Variants in RERG observed in about 807,000 individuals in gnomAD.
The protein encoded by RERG is ras-related and estrogen-regulated growth inhibitor.
Under a neutral mutation model 23.2 loss-of-function variants are expected in RERG, and 25 were observed. That is an observed-to-expected ratio of 1.08 (90% confidence interval 0.79 to 1.50). The LOEUF (loss-of-function observed/expected upper bound fraction) is 1.50, where lower values mean the gene tolerates loss of function less well. Ranked by LOEUF, RERG falls within the 40% of genes most tolerant of loss-of-function variation. The probability of loss-of-function intolerance (pLI) is 0.00; values close to 1 mark genes in which losing one functional copy is unlikely to be tolerated. For synonymous variants in RERG, 81 were observed against 89.1 expected (o/e 0.91, Z 0.51); for missense variants, 253 against 250.1 (o/e 1.01, Z -0.08).
chr12:15,164,801 G>T (rs183623134), intron 2 of RERG, among the ~76,000 whole-genome samples: 14 of 152,276 alleles, frequency 9.2e-5, no homozygotes, highest in Admixed American at 7.2e-4. Flanking sequence ...AATAGTCAAA[G>T]GTGTATGAGA....
chr12:15,171,054 A>G (rs1163236266), intron 2 of RERG, among the ~76,000 whole-genome samples: 3 of 152,228 alleles, frequency 2.0e-5, no homozygotes, highest in Admixed American at 1.3e-4. Flanking sequence ...AGTAACATGA[A>G]TGAAAATTTT....
intron 2 of RERG, among the ~76,000 whole-genome samples, chr12:15,169,184 A>G (rs1300756989): frequency 6.6e-6 from 1 of 152,230 alleles, no homozygotes; most frequent in East Asian, 1.9e-4. Context: ...GAGCCAACCT[A>G]TAAAAACAGA....
At chr12:15,124,973 TTAATATA>T (rs1863910591) in intron 2 of RERG, among the ~76,000 whole-genome samples, 2 of 151,934 alleles carry the variant, frequency 1.3e-5, no homozygotes, top group African/African-American at 4.8e-5. Context: ...CCCTTGATAT[TTAATATA>T]TACTCTACAA....
intron 2 of RERG, among the ~76,000 whole-genome samples, chr12:15,134,853 T>C (rs34828371): frequency 0.016 from 2,386 of 152,226 alleles, 28 homozygotes; most frequent in Non-Finnish European, 0.023. Context: ...TCAAGTGATC[T>C]GCCCACCTCA....
intron 2 of RERG, among the ~76,000 whole-genome samples, chr12:15,188,480 CA>C (rs1166227654): frequency 6.6e-6 from 1 of 152,106 alleles, no homozygotes. Flanking sequence ...GAGGCAGCAT[CA>C]AGTACATCAA....
At chr12:15,205,715 TC>T (rs1565537522) in intron 2 of RERG, among the ~76,000 whole-genome samples, 1 of 152,078 alleles carries the variant, frequency 6.6e-6, no homozygotes, top group East Asian at 1.9e-4. Context: ...TAAATTACTG[TC>T]CAATGGCACA....
chr12:15,140,309 G>A (rs938085570), intron 2 of RERG, among the ~76,000 whole-genome samples: 3 of 152,088 alleles, frequency 2.0e-5, no homozygotes, highest in African/African-American at 7.2e-5. Context: ...AAACCAGGAA[G>A]AGGGCCCTCA....
rs1156302513 is a variant in RERG at position 15,148,887 on chromosome 12, T to TTTTTTTTTTG, written c.62-27769_62-27768insCAAAAAAAAA. ...TTTTTTTTTTTTTTTTTTTTTTTTT[T>TTTTTTTTTTG]AGACAGAGTCTAGCTCTGTCACCCA... On this transcript the variant is annotated intron_variant, in intron 2 of 4. Coordinates refer to ENST00000256953, the MANE Select transcript of RERG (RefSeq NM_032918.3). 9.4e-4 allele frequency among the ~76,000 whole-genome samples: 65 copies of TTTTTTTTTTG among 69,504 alleles called. 20 individuals carry two copies. The highest frequency in any genetic ancestry group is 1.3e-3 in the Non-Finnish European group (44 of 32,658). The allele number at this position is 69,504 out of a possible 152,430, so 45.6% of individuals were successfully genotyped here.
chr12:15,142,623 T>C (rs957513759), intron 2 of RERG, among the ~76,000 whole-genome samples: 1 of 152,202 alleles, frequency 6.6e-6, no homozygotes, highest in Non-Finnish European at 1.5e-5. Flanking sequence ...TCAATTGGCC[T>C]CTTCTTTATT....
intron 2 of RERG, among the ~76,000 whole-genome samples, chr12:15,124,926 A>T (rs1203913739): frequency 1.3e-5 from 2 of 151,600 alleles, no homozygotes; most frequent in Non-Finnish European, 3.0e-5. Flanking sequence ...TGCCTTTTGA[A>T]TTTTGTCTAT....
intron 2 of RERG, among the ~76,000 whole-genome samples, chr12:15,170,317 G>T (rs1052008959): frequency 2.0e-5 from 3 of 152,004 alleles, no homozygotes; most frequent in African/African-American, 7.2e-5. Context: ...CACAGGAGGC[G>T]GATGGTGGGG....
chr12:15,133,151 A>ATATATATATATATATG (rs1266376609), intron 2 of RERG, among the ~76,000 whole-genome samples: 1 of 122,088 alleles, frequency 8.2e-6, no homozygotes, highest in African/African-American at 4.0e-5. Flanking sequence ...GTGGAGATAT[A>ATATATATATATATATG]TATATATATA....
chr12:15,207,171 A>C (rs2136144968), intron 2 of RERG, among the ~76,000 whole-genome samples: 1 of 152,226 alleles, frequency 6.6e-6, no homozygotes, highest in East Asian at 1.9e-4. Flanking sequence ...TAGCTCATTG[A>C]GTGGAAAATT....
chr12:15,199,492 T>A (rs912853563), intron 2 of RERG, among the ~76,000 whole-genome samples: 2 of 152,106 alleles, frequency 1.3e-5, no homozygotes, highest in African/African-American at 4.8e-5. Flanking sequence ...TTTCCTTACA[T>A]TCCTATATTC....
chr12:15,169,860 A>G (rs1864751403), intron 2 of RERG, among the ~76,000 whole-genome samples: 1 of 151,994 alleles, frequency 6.6e-6, no homozygotes, highest in African/African-American at 2.4e-5. Flanking sequence ...GGGACACATT[A>G]ACAGAAGCCA....
chr12:15,126,714 CTT>C (rs377034134), intron 2 of RERG, among the ~76,000 whole-genome samples: 61 of 85,734 alleles, frequency 7.1e-4, no homozygotes, highest in African/African-American at 2.2e-3. Flanking sequence ...ATTTCTTTTT[CTT>C]TTTCTTTCTT....
chr12:15,158,240 C>A lies in RERG; in HGVS notation c.62-37121G>T, dbSNP rs117310793. On this transcript the variant is annotated intron_variant, in intron 2 of 4. Coordinates refer to ENST00000256953, the MANE Select transcript of RERG (RefSeq NM_032918.3). The stretch of plus-strand genomic sequence containing the variant: ...TGAACATAGCATTTAGTTGTTATAA[C>A]TCTTTACACTCTTTTAAATTGGAAC... Among the ~76,000 whole-genome samples the A allele has an allele frequency of 1.5e-3, 225 of 152,024 alleles. 2 individuals are homozygous for A. The East Asian group carries it at 0.037, about 25-fold the overall frequency.
intron 3 of RERG, among the ~76,000 whole-genome samples, chr12:15,116,218 G>A (rs915348372): frequency 3.9e-5 from 6 of 152,084 alleles, no homozygotes; most frequent in African/African-American, 1.2e-4. Context: ...TCTGCATCAC[G>A]CATGCTGGGG....
At chr12:15,158,347 TC>T (rs1864553489) in intron 2 of RERG, among the ~76,000 whole-genome samples, 1 of 152,150 alleles carries the variant, frequency 6.6e-6, no homozygotes, top group South Asian at 2.1e-4. Flanking sequence ...AGTGTTATGA[TC>T]TTGGCTCGCT....
Sources: allele counts gnomAD v4.1 joint callset (sites outside exome capture counted in the v4.1 genomes callset), GRCh38; gene constraint gnomAD v4.1.1; transcripts MANE v1.5; gene names NCBI Gene and HGNC (gene_info 2026-07-23, HGNC 2026-07-21).